The following NRK variants were observed in gnomAD, a reference collection of about 807,000 sequenced individuals.
NRK encodes the protein nik-related protein kinase.
NRK carries 67 observed loss-of-function variants against 125.2 expected under a neutral mutation model. That is an observed-to-expected ratio of 0.54 (90% confidence interval 0.44 to 0.66). The LOEUF (loss-of-function observed/expected upper bound fraction) is 0.66, where lower values mean the gene tolerates loss of function less well. NRK is among the 30% of genes least tolerant of loss of function. NRK has a pLI of 0.00. For synonymous variants in NRK, 458 were observed against 429.0 expected (o/e 1.07, Z -0.84); for missense variants, 1,224 against 1,192.9 (o/e 1.03, Z -0.38).
chrX:105,886,482 AATTAT>A (rs758981101), intron 4 of NRK, among the ~76,000 whole-genome samples: 34 of 102,972 alleles, frequency 3.3e-4, no homozygotes, highest in East Asian at 1.5e-3. Flanking sequence ...ATATATTGAT[AATTAT>A]ATTATATATA....
intron 2 of NRK, among the ~76,000 whole-genome samples, chrX:105,870,543 A>T (rs779450399): frequency 3.6e-5 from 4 of 111,646 alleles, no homozygotes; most frequent in Non-Finnish European, 5.7e-5. Context: ...TTTCCTGCAA[A>T]TGTTGTATGT....
rs764072564 is a variant in NRK, at chrX:105,927,719, G to C, written c.3312+2688G>C. 4.4e-4 allele frequency among the ~76,000 whole-genome samples: 49 copies of C among 110,835 alleles called. 1 individual carries two copies. The South Asian group carries it at 0.018, about 41-fold the overall frequency. On this transcript the variant is annotated intron_variant, in intron 19 of 28. Transcript: ENST00000243300. ...AGAATTTTATCAAATGCTTTTTTTG[G>C]TATCTTTTCACATGATCATATAATT...
chrX:105,954,261 G>A (rs925636953), intron 28 of NRK, among the ~76,000 whole-genome samples: 1 of 110,731 alleles, frequency 9.0e-6, no homozygotes, highest in Non-Finnish European at 1.9e-5. Context: ...TACTTACTAT[G>A]AAATGTAAAA....
At chrX:105,843,741 A>G (rs2039359711) in intron 2 of NRK, among the ~76,000 whole-genome samples, 1 of 111,319 alleles carries the variant, frequency 9.0e-6, no homozygotes, top group South Asian at 3.8e-4. Flanking sequence ...AGATGTCTAG[A>G]ACATGTGTAA....
chrX:105,856,231 A>G (rs184982918), intron 2 of NRK, among the ~76,000 whole-genome samples: 61 of 111,764 alleles, frequency 5.5e-4, no homozygotes, highest in Non-Finnish European at 9.6e-4. Context: ...TTGTCCTTAA[A>G]GGAATTCTAA....
chrX:105,842,342 C>T (rs1237998889), intron 2 of NRK, among the ~76,000 whole-genome samples: 1 of 111,366 alleles, frequency 9.0e-6, no homozygotes, highest in Non-Finnish European at 1.9e-5. Context: ...TCTACTCAGA[C>T]TCCTGGAAGC....
chrX:105,892,461 G>A (rs993579998), intron 5 of NRK, among the ~76,000 whole-genome samples: 2 of 111,889 alleles, frequency 1.8e-5, no homozygotes, highest in Non-Finnish European at 3.8e-5. Context: ...ATAAAGAAGT[G>A]TACGTACCAG....
intron 27 of NRK, among the ~76,000 whole-genome samples, chrX:105,951,620 C>A (rs1264479425): frequency 8.9e-6 from 1 of 112,076 alleles, no homozygotes; most frequent in African/African-American, 3.2e-5. Flanking sequence ...TTTATGTTTT[C>A]TTAAGTTATA....
chrX:105,837,403 A>G (rs2039280118), intron 2 of NRK, among the ~76,000 whole-genome samples: 1 of 111,561 alleles, frequency 9.0e-6, no homozygotes, highest in African/African-American at 3.3e-5. Flanking sequence ...TGCCAACCAC[A>G]TCCCCTGCTG....
chrX:105,938,461 T>C (rs2040693962), intron 22 of NRK, among the ~76,000 whole-genome samples: 1 of 112,172 alleles, frequency 8.9e-6, no homozygotes, highest in Admixed American at 9.5e-5. Flanking sequence ...GACTTCATGA[T>C]TTTTTAAATC....
At chrX:105,823,078 G>A (rs1271911896) in intron 1 of NRK, among the ~76,000 whole-genome samples, 176 bp downstream of exon 1, 1 of 113,186 alleles carries the variant, frequency 8.8e-6, no homozygotes, top group Non-Finnish European at 1.9e-5. Flanking sequence ...TGGGCACCGG[G>A]ACCGCACCAA....
chrX:105,896,305 A>T (rs1448548234), intron 7 of NRK, among the ~76,000 whole-genome samples: 2 of 112,032 alleles, frequency 1.8e-5, no homozygotes, highest in Non-Finnish European at 3.8e-5. Context: ...ATTATTTTTC[A>T]ACAGTTTGTA....
At chrX:105,885,675 C>G (rs1394167345) in intron 4 of NRK, among the ~76,000 whole-genome samples, 1 of 111,586 alleles carries the variant, frequency 9.0e-6, no homozygotes, top group Non-Finnish European at 1.9e-5. Flanking sequence ...GAATTGCTTT[C>G]CATGTCACTC....
At chrX:105,939,814 T>C in intron 22 of NRK, 60 bp from the exon 23 acceptor site, 1 of 675,865 alleles carries the variant, frequency 1.5e-6, no homozygotes, top group African/African-American at 2.3e-5. Context: ...TACTTTTTTT[T>C]CTTCTAATAT....
chrX:105,846,728 CTCTT>C (rs1207376405), intron 2 of NRK, among the ~76,000 whole-genome samples: 1 of 111,675 alleles, frequency 9.0e-6, no homozygotes, highest in African/African-American at 3.3e-5. Context: ...ATCATCAACT[CTCTT>C]TCTAGTTCTT....
intron 2 of NRK, among the ~76,000 whole-genome samples, chrX:105,876,757 A>G: frequency 1.8e-5 from 2 of 112,022 alleles, no homozygotes; most frequent in South Asian, 7.3e-4. Context: ...GAAAAAGGGC[A>G]CATCCTAAAA....
chrX:105,929,294 A>C (rs1196214885), intron 19 of NRK, among the ~76,000 whole-genome samples: 4 of 111,468 alleles, frequency 3.6e-5, no homozygotes, highest in African/African-American at 1.3e-4. Context: ...TATCTGATAT[A>C]AGTGTAGCTA....
At chrX:105,921,398 G>C (rs187290105) in intron 16 of NRK, among the ~76,000 whole-genome samples, 4,831 of 105,738 alleles carry the variant, frequency 0.046, 329 homozygotes, top group African/African-American at 0.16. Flanking sequence ...GAGTTAGTGG[G>C]TGCAGTGCAC....
In NRK at chrX:105,934,287, T is replaced by C; in HGVS notation, c.3342T>C (p.Asn1114=). 8.5e-7 allele frequency: 1 copy of C among 1,178,421 alleles called. No individual in the cohort carries two copies. Residue 1114 remains asparagine (N), a synonymous_variant, in exon 20 of 29, where the codon AAT becomes AAC. Transcript: ENST00000243300. ...CAGGTGGTGGAAATGAGGCCTCAAA[T>C]GCCATTGACTCAGGTGCTGCACCGT... is the stretch of plus-strand genomic sequence containing the variant. ...EEPGGGNEAS[N]AIDSGAAPSA...
Sources: allele counts gnomAD v4.1 joint callset (sites outside exome capture counted in the v4.1 genomes callset), GRCh38; gene constraint gnomAD v4.1.1; transcripts MANE v1.5; gene names NCBI Gene and HGNC (gene_info 2026-07-23, HGNC 2026-07-21).